MBNL1: variants seen among roughly 807,000 people sequenced by gnomAD.
MBNL1 encodes the protein muscleblind like splicing regulator 1, also known as muscleblind-like protein 1.
In MBNL1, 8 loss-of-function variants were observed where a neutral mutation model predicts 42.2. That is an observed-to-expected ratio of 0.19 (90% confidence interval 0.11 to 0.34). The LOEUF is 0.34. Ranked by LOEUF, MBNL1 falls within the 10% of genes least tolerant of loss-of-function variation. The pLI is 1.00. For missense variants in MBNL1, 309 were observed against 495.3 expected, an observed-to-expected ratio of 0.62 and a Z score of 3.57; for synonymous variants, 169 against 173.9, an observed-to-expected ratio of 0.97 and a Z score of 0.22.
At chr3:152,377,434 T>C (rs2096958017) in intron 2 of MBNL1, among the ~76,000 whole-genome samples, 1 of 152,222 alleles carries the variant, frequency 6.6e-6, no homozygotes. Context: ...TCGTCAGCCA[T>C]AGACCGTTAG....
chr3:152,316,086 A>G (rs1429254988), intron 2 of MBNL1, among the ~76,000 whole-genome samples: 1 of 152,154 alleles, frequency 6.6e-6, no homozygotes, highest in African/African-American at 2.4e-5. Context: ...CTTCAGGATA[A>G]ATTGAAGAAG....
At chr3:152,247,444 TACATGAAAAGAAAATAC>T (rs1559930167) in intron 2 of MBNL1, among the ~76,000 whole-genome samples, 1 of 151,988 alleles carries the variant, frequency 6.6e-6, no homozygotes, top group Non-Finnish European at 1.5e-5. Context: ...ATTTTCATGA[TACATGAAAAGAAAATAC>T]CTTTTACAGA....
At chr3:152,393,117 C>T (rs1354088363) in intron 2 of MBNL1, among the ~76,000 whole-genome samples, 1 of 152,164 alleles carries the variant, frequency 6.6e-6, no homozygotes, top group African/African-American at 2.4e-5. Context: ...GTTCTCTCAC[C>T]CAGCCCTCCC....
At chr3:152,422,000 A>T (rs763706399) in intron 3 of MBNL1, among the ~76,000 whole-genome samples, 12 of 152,146 alleles carry the variant, frequency 7.9e-5, no homozygotes, top group Non-Finnish European at 1.6e-4. Context: ...AACACCATTG[A>T]CATATGAAGA....
intron 2 of MBNL1, among the ~76,000 whole-genome samples, chr3:152,260,647 TCA>T (rs1170266847): frequency 1.3e-5 from 2 of 152,170 alleles, no homozygotes; most frequent in East Asian, 3.8e-4. Context: ...GTGCTTATAA[TCA>T]CAATTTCTTA....
upstream of MBNL1, chr3:152,268,912 G>C: frequency 2.2e-6 from 1 of 455,906 alleles, no homozygotes; most frequent in Non-Finnish European, 4.4e-6. Context: ...ATAAGAGGCT[G>C]CACAGCGACA....
intron 2 of MBNL1, among the ~76,000 whole-genome samples, chr3:152,321,963 C>T (rs2076710321): frequency 6.6e-6 from 1 of 152,018 alleles, no homozygotes; most frequent in Admixed American, 6.6e-5. Context: ...CTAAGAGAAT[C>T]TATTCCAAAC....
chr3:152,442,412 A>T (rs1289170910), intron 4 of MBNL1, among the ~76,000 whole-genome samples: 4 of 152,212 alleles, frequency 2.6e-5, no homozygotes, highest in Admixed American at 2.6e-4. Flanking sequence ...AATTATTTTT[A>T]AAAATGTGTG....
chr3:152,332,404 A>G (rs530955158), intron 2 of MBNL1, among the ~76,000 whole-genome samples: 3 of 152,166 alleles, frequency 2.0e-5, no homozygotes, highest in African/African-American at 4.8e-5. Flanking sequence ...TGTGGGTGCA[A>G]TATATAACAT....
intron 1 of MBNL1, among the ~76,000 whole-genome samples, chr3:152,286,391 T>C (rs1021648415): frequency 7.2e-6 from 1 of 138,776 alleles, no homozygotes; most frequent in African/African-American, 2.6e-5. Flanking sequence ...TTTAATTATA[T>C]TTTATTTATA....
At chr3:152,297,844 T>C (rs993911960) in intron 1 of MBNL1, among the ~76,000 whole-genome samples, 5 of 152,004 alleles carry the variant, frequency 3.3e-5, no homozygotes, top group South Asian at 2.1e-4. Context: ...TTAATAGATA[T>C]GGGGTTTTAC....
At chr3:152,341,726 T>C (rs2093276021) in intron 2 of MBNL1, among the ~76,000 whole-genome samples, 1 of 152,182 alleles carries the variant, frequency 6.6e-6, no homozygotes, top group Admixed American at 6.6e-5. Context: ...GTAATAAATT[T>C]CTCAGCCTCA....
chr3:152,303,206 G>A (rs747399435), intron 2 of MBNL1, among the ~76,000 whole-genome samples: 3 of 152,170 alleles, frequency 2.0e-5, no homozygotes, highest in South Asian at 2.1e-4. Context: ...AGTCTGTATC[G>A]TAATAAATCT....
At chr3:152,286,382 T>G (rs1274818470) in intron 1 of MBNL1, among the ~76,000 whole-genome samples, 1 of 101,970 alleles carries the variant, frequency 9.8e-6, no homozygotes, top group Non-Finnish European at 2.4e-5. Flanking sequence ...ATATAAATAT[T>G]TAATTATATT....
At chr3:152,352,040 C>T (rs1351474119) in intron 2 of MBNL1, among the ~76,000 whole-genome samples, 1 of 152,056 alleles carries the variant, frequency 6.6e-6, no homozygotes. Context: ...GAACTGTCTA[C>T]CATTTTTATG....
intron 3 of MBNL1, among the ~76,000 whole-genome samples, chr3:152,429,749 C>T (rs185980046): frequency 4.9e-4 from 75 of 151,976 alleles, no homozygotes; most frequent in African/African-American, 1.5e-3. Context: ...AGTGATGTAA[C>T]AAATTTACAA....
At chr3:152,268,724 G>T (rs1298467573), upstream of MBNL1, 2 of 455,034 alleles carry the variant, frequency 4.4e-6, no homozygotes, top group Non-Finnish European at 8.8e-6. Flanking sequence ...GGCTCTGTCC[G>T]GTTGACAGGC....
chr3:152,455,735 G>A (rs576213294), intron 7 of MBNL1, among the ~76,000 whole-genome samples, 158 bp downstream of exon 7: 2 of 152,144 alleles, frequency 1.3e-5, no homozygotes, highest in Non-Finnish European at 2.9e-5. Flanking sequence ...TAATTGACAT[G>A]GACTCACATA....
intron 3 of MBNL1, among the ~76,000 whole-genome samples, chr3:152,419,461 G>A (rs1049166504): frequency 2.0e-5 from 3 of 152,124 alleles, no homozygotes; most frequent in African/African-American, 7.2e-5. Flanking sequence ...CCTCACCCTG[G>A]AAGTGCAAGG....
Sources: allele counts gnomAD v4.1 joint callset (sites outside exome capture counted in the v4.1 genomes callset), GRCh38; gene constraint gnomAD v4.1.1; transcripts MANE v1.5; gene names NCBI Gene and HGNC (gene_info 2026-07-23, HGNC 2026-07-21).